The following LSM11 variants were observed in gnomAD, a reference collection of about 807,000 sequenced individuals.
The protein encoded by LSM11 is LSM11, U7 small nuclear RNA associated.
Under a neutral mutation model 28.1 loss-of-function variants are expected in LSM11, and 14 were observed. The observed-to-expected ratio is 0.50, with a 90% CI of 0.33 to 0.78. The LOEUF (loss-of-function observed/expected upper bound fraction) is 0.78, where lower values mean the gene tolerates loss of function less well. Among genes scored for constraint, LSM11 ranks in the 30% least tolerant of loss-of-function variants. LSM11 has a pLI of 0.02. For missense variants in LSM11, 495 were observed against 510.6 expected (o/e 0.97, Z 0.30); for synonymous variants, 207 against 214.2 (o/e 0.97, Z 0.30).
rs774851333 is a variant in LSM11 at position 157,755,193 on chromosome 5, G to T, written c.1012G>T (p.Val338Leu). The T allele has an allele frequency of 6.2e-7, 1 of 1,614,238 alleles. No homozygotes were observed. Among genetic ancestry groups the T allele is most frequent in the Non-Finnish European group, 8.5e-7 (1 of 1,180,028 alleles). The stretch of plus-strand genomic sequence containing the variant: ...AAAGCCCAAAGTGGATTACCAGCAG[G>T]TATTCACTCGACACATAAATCAGAT... Reference protein sequence around the residue: ...KRKPKVDYQQVFTRHINQIFI... With the variant: ...KRKPKVDYQQLFTRHINQIFI... The change falls in exon 4 of 4, where the codon GTA (valine) becomes TTA (leucine). Residue 338 changes from valine (V) to leucine (L), a missense_variant. Val to Leu is a conservative substitution (Grantham distance 32). Transcript: ENST00000286307.
Position 157,751,483 on chromosome 5 carries a change from G to A in LSM11, c.542G>A (p.Gly181Asp). 1 of 1,613,122 alleles carries A rather than the reference G, an allele frequency of 6.2e-7. No individual in the cohort carries two copies. Residue 181 changes from glycine (G) to aspartate (D), a missense_variant, in exon 2 of 4, where the codon GGC becomes GAC. Gly to Asp is a moderately conservative substitution (Grantham distance 94). Coordinates refer to ENST00000286307, the MANE Select transcript of LSM11 (RefSeq NM_173491.4). ...ATCCGCACTTTCAAGGGACTTCGGGGCGTCTGTACAGGCTTCCTTGTTGCA... is the reference window on the plus strand; with the variant it reads ...ATCCGCACTTTCAAGGGACTTCGGGACGTCTGTACAGGCTTCCTTGTTGCA... ...VHIRTFKGLRGVCTGFLVAFD... is the reference protein window; with the variant it reads ...VHIRTFKGLRDVCTGFLVAFD...
chr5:157,743,856 G>C lies in LSM11; in HGVS notation c.106G>C (p.Ala36Pro). 6.4e-7 allele frequency: 1 copy of C among 1,559,246 alleles called. No individual in the cohort carries two copies. The highest frequency in any genetic ancestry group is 8.7e-7 in the Non-Finnish European group (1 of 1,155,522). Residue 36 changes from alanine (A) to proline (P), a missense_variant, in exon 1 of 4, where the codon GCC becomes CCC. By Grantham distance (27) the Ala-to-Pro change is conservative (BLOSUM62 -1). Transcript: ENST00000286307. ...CTCTGACAGCTTCGACCCGCTGCTGGCCCTGTACGCGCCCCGCCTGCCTCC... is the reference window on the plus strand; with the variant it reads ...CTCTGACAGCTTCGACCCGCTGCTGCCCCTGTACGCGCCCCGCCTGCCTCC... ...VSSDSFDPLL[A>P]LYAPRLPPIP...
chr5:157,749,608 C>A (rs968922421), intron 1 of LSM11, among the ~76,000 whole-genome samples: 94 of 145,970 alleles, frequency 6.4e-4, no homozygotes, highest in African/African-American at 2.0e-3. Context: ...ACACACACAC[C>A]CACACACCCA....
intron 1 of LSM11, among the ~76,000 whole-genome samples, chr5:157,749,192 C>G (rs760528866): frequency 5.9e-5 from 9 of 152,168 alleles, no homozygotes; most frequent in Non-Finnish European, 1.0e-4. Flanking sequence ...GAGTAAGAGA[C>G]TGTTGCTAAG....
intron 1 of LSM11, among the ~76,000 whole-genome samples, chr5:157,748,427 C>T (rs1167340192): frequency 6.6e-6 from 1 of 152,172 alleles, no homozygotes; most frequent in Non-Finnish European, 1.5e-5. Flanking sequence ...CTGGGAAGGC[C>T]TCTAAGATTT....
At position 157,751,524 on chromosome 5, in the gene LSM11, A is replaced by G. The variant is rs775218088; in HGVS notation, c.583A>G (p.Asn195Asp). The G allele has an allele frequency of 6.2e-7, 1 of 1,612,032 alleles. No individual in the cohort carries two copies. The highest frequency in any genetic ancestry group is 8.5e-7 in the Non-Finnish European group (1 of 1,179,238). Residue 195 changes from asparagine to aspartate, a missense_variant, in exon 2 of 4, where the codon AAT becomes GAT. Asn to Asp is a conservative substitution (Grantham distance 23, BLOSUM62 1). Coordinates refer to ENST00000286307, the MANE Select transcript of LSM11 (RefSeq NM_173491.4). Reference sequence around the variant, plus strand: ...CCTTGTTGCATTCGACAAGTTCTGGAATATGGTAATTAAGCCTTTCTCAAG... The same window carrying G: ...CCTTGTTGCATTCGACAAGTTCTGGGATATGGTAATTAAGCCTTTCTCAAG... ...GFLVAFDKFW[N>D]MALTDVDETY... is the part of the protein sequence containing the mutation.
intron 1 of LSM11, among the ~76,000 whole-genome samples, chr5:157,748,572 A>G (rs1255585454): frequency 6.6e-6 from 1 of 152,198 alleles, no homozygotes; most frequent in Non-Finnish European, 1.5e-5. Flanking sequence ...CCTGTAGCAT[A>G]TAAGCCCTGC....
Position 157,760,182 on chromosome 5 carries a change from G to C in LSM11, c.*4918G>C, listed in dbSNP as rs1421294558. 1 of 152,146 alleles carries C rather than the reference G, an allele frequency of 6.6e-6. No homozygotes were observed. Among genetic ancestry groups the C allele is most frequent in the Admixed American group, 6.5e-5 (1 of 15,272 alleles). The allele number at this position is 152,146 out of a possible 1,614,324, so 9.4% of individuals were successfully genotyped here. A position where few individuals can be genotyped will look rare whatever the true frequency, so the allele number is the denominator to read the frequency against. Reference sequence around the variant, plus strand: ...ACTTTGCAATTGCTTTTGATTTTTAGTCCTTTGGAACAAATGTGTGATGTT... The same window carrying C: ...ACTTTGCAATTGCTTTTGATTTTTACTCCTTTGGAACAAATGTGTGATGTT... On this transcript the variant is annotated 3_prime_UTR_variant, in exon 4 of 4. Transcript: ENST00000286307.
At chr5:157,746,920 A>G (rs1430494280) in intron 1 of LSM11, among the ~76,000 whole-genome samples, 1 of 152,178 alleles carries the variant, frequency 6.6e-6, no homozygotes, top group Non-Finnish European at 1.5e-5. Flanking sequence ...AAAAAAAGTA[A>G]TAATAAAAGT....
intron 1 of LSM11, among the ~76,000 whole-genome samples, chr5:157,750,817 T>C (rs1376778685): frequency 6.6e-6 from 1 of 152,186 alleles, no homozygotes; most frequent in African/African-American, 2.4e-5. Flanking sequence ...AGTCTTGCTC[T>C]GTTGCCCAGG....
chr5:157,744,774 A>C (rs968933762), intron 1 of LSM11, among the ~76,000 whole-genome samples: 5 of 152,130 alleles, frequency 3.3e-5, no homozygotes, highest in Non-Finnish European at 7.4e-5. Flanking sequence ...TTCAGATAGC[A>C]CAGGCGCATA....
At chr5:157,754,709 AAAAAG>A in intron 3 of LSM11, 140 bp from the exon 4 acceptor site, 1 of 694,982 alleles carries the variant, frequency 1.4e-6, no homozygotes, top group Non-Finnish European at 2.3e-6. Flanking sequence ...AAAAAAAAAA[AAAAAG>A]ATTTATTACT....
At chr5:157,744,582 C>T (rs1184544401) in intron 1 of LSM11, among the ~76,000 whole-genome samples, 2 of 151,872 alleles carry the variant, frequency 1.3e-5, no homozygotes, top group Non-Finnish European at 2.9e-5. Context: ...GGCGGGGCTA[C>T]AGAGTTTGGG....
At chr5:157,745,489 A>C (rs1271028916) in intron 1 of LSM11, among the ~76,000 whole-genome samples, 1 of 152,112 alleles carries the variant, frequency 6.6e-6, no homozygotes, top group Admixed American at 6.5e-5. Flanking sequence ...AGTTTGGGGG[A>C]CCTTAATTTG....
chr5:157,748,774 G>A (rs1263705174), intron 1 of LSM11, among the ~76,000 whole-genome samples: 1 of 152,186 alleles, frequency 6.6e-6, no homozygotes, highest in Non-Finnish European at 1.5e-5. Flanking sequence ...GGCTGTGATG[G>A]TATAATTTAC....
In LSM11 at chr5:157,751,514, C is replaced by G; in HGVS notation, c.573C>G (p.Asp191Glu). Residue 191 changes from aspartate (D) to glutamate (E), a missense_variant, in exon 2 of 4, where the codon GAC becomes GAG. Transcript: ENST00000286307. ...GTACAGGCTTCCTTGTTGCATTCGA[C>G]AAGTTCTGGAATATGGTAATTAAGC... ...GVCTGFLVAF[D>E]KFWNMALTDV... The G allele has an allele frequency of 6.2e-7, 1 of 1,612,318 alleles. No individual in the cohort carries two copies.
chr5:157,745,161 C>A (rs1196004266), intron 1 of LSM11, among the ~76,000 whole-genome samples: 2 of 152,210 alleles, frequency 1.3e-5, no homozygotes, highest in Non-Finnish European at 2.9e-5. Context: ...TGTCATCTGG[C>A]AAGCAGTTCT....
chr5:157,754,767 T>G, intron 3 of LSM11, 87 bp from the exon 4 acceptor site: 1 of 1,138,270 alleles, frequency 8.8e-7, no homozygotes, highest in Non-Finnish European at 1.2e-6. Flanking sequence ...CAGAACATAA[T>G]TAAAGAATTT....
Position 157,743,772 on chromosome 5 carries a change from G to A in LSM11, c.22G>A (p.Ala8Thr), listed in dbSNP as rs777807432. The change falls in exon 1 of 4, where the codon GCG becomes ACG. Residue 8 changes from alanine to threonine, a missense_variant. Ala to Thr is a moderately conservative substitution (Grantham distance 58, BLOSUM62 0). Coordinates refer to ENST00000286307, the MANE Select transcript of LSM11 (RefSeq NM_173491.4). ...AAACATGGAGGAGCGGGAGCGGGGG[G>A]CGAGGTCGGCTGGCGCCGGGAGCCC... MEERERG[A>T]RSAGAGSPAR... 1.1e-5 allele frequency: 15 copies of A among 1,412,110 alleles called. No individual in the cohort carries two copies. The African/African-American group carries it at 1.2e-4, about 11-fold the overall frequency. 87.5% of individuals were successfully genotyped at this position (1,412,110 alleles called of 1,614,324 possible). A position where few individuals can be genotyped will look rare whatever the true frequency, so the allele number is the denominator to read the frequency against.
Sources: gnomAD v4.1 joint callset for allele counts (sites outside exome capture counted in the v4.1 genomes callset) on GRCh38, gnomAD v4.1.1 for gene constraint, MANE v1.5 for transcripts, NCBI Gene and HGNC (gene_info 2026-07-23, HGNC 2026-07-21) for gene names.